NAV2: variants seen among roughly 807,000 people sequenced by gnomAD.
The protein encoded by NAV2 is neuron navigator 2.
A neutral mutation model predicts 223.2 loss-of-function variants in NAV2; 54 were observed. That is an observed-to-expected ratio of 0.24 (90% CI 0.19 to 0.30). The LOEUF is 0.30. Ranked by LOEUF, NAV2 falls within the 10% of genes least tolerant of loss-of-function variation. NAV2 has a pLI of 1.00. For synonymous variants in NAV2, 1,279 were observed against 1,239.3 expected, an observed-to-expected ratio of 1.03 and a Z score of -0.67; for missense variants, 2,806 against 3,147.5, an observed-to-expected ratio of 0.89 and a Z score of 2.60.
At chr11:19,802,942 T>A (rs2058353809) in intron 1 of NAV2, among the ~76,000 whole-genome samples, 1 of 152,174 alleles carries the variant, frequency 6.6e-6, no homozygotes, top group East Asian at 1.9e-4. Context: ...TTCCTCTCTG[T>A]TATAAACAGC....
intron 12 of NAV2, among the ~76,000 whole-genome samples, chr11:20,038,901 A>G (rs1036133966): frequency 2.0e-5 from 3 of 152,222 alleles, no homozygotes; most frequent in Non-Finnish European, 4.4e-5. Flanking sequence ...AGCCTCGTAT[A>G]GCTGATTGAA....
chr11:19,437,733 C>T (rs1851263674), intron 1 of NAV2, among the ~76,000 whole-genome samples: 1 of 152,124 alleles, frequency 6.6e-6, no homozygotes, highest in Admixed American at 6.5e-5. Context: ...GCCAATTAAA[C>T]TATGAAACGA....
chr11:19,485,396 G>A (rs899768030), intron 1 of NAV2, among the ~76,000 whole-genome samples: 1 of 152,154 alleles, frequency 6.6e-6, no homozygotes, highest in Non-Finnish European at 1.5e-5. Flanking sequence ...GAAAGAGCAA[G>A]TTGCTTCATC....
chr11:19,641,673 CT>C (rs1471822932), intron 1 of NAV2, among the ~76,000 whole-genome samples: 2 of 151,902 alleles, frequency 1.3e-5, no homozygotes, highest in Non-Finnish European at 2.9e-5. Context: ...GCTGCTCCTT[CT>C]CTTTGAAACA....
At chr11:19,755,713 C>T (rs919247850) in intron 1 of NAV2, among the ~76,000 whole-genome samples, 1 of 152,176 alleles carries the variant, frequency 6.6e-6, no homozygotes, top group African/African-American at 2.4e-5. Context: ...TTCACATAGC[C>T]TTGTTATAAG....
At chr11:19,737,832 G>A (rs1465156725) in intron 1 of NAV2, among the ~76,000 whole-genome samples, 3 of 152,194 alleles carry the variant, frequency 2.0e-5, no homozygotes, top group African/African-American at 7.2e-5. Flanking sequence ...CAGCTGATCC[G>A]AGTAGGGGAG....
At chr11:19,974,221 T>A (rs927714003) in intron 10 of NAV2, among the ~76,000 whole-genome samples, 1 of 152,208 alleles carries the variant, frequency 6.6e-6, no homozygotes, top group African/African-American at 2.4e-5. Context: ...AAGGCAACAT[T>A]TCTCACAGTT....
chr11:19,568,281 G>A (rs1318251196), intron 1 of NAV2, among the ~76,000 whole-genome samples: 2 of 152,204 alleles, frequency 1.3e-5, no homozygotes, highest in Non-Finnish European at 2.9e-5. Flanking sequence ...CTAGGCTCAG[G>A]CAAGGATGCC....
intron 6 of NAV2, among the ~76,000 whole-genome samples, chr11:19,924,621 T>C (rs2044576026): frequency 6.6e-6 from 1 of 152,156 alleles, no homozygotes; most frequent in Non-Finnish European, 1.5e-5. Context: ...GATACTGGAG[T>C]ATTCATACAT....
chr11:19,661,392 A>T (rs1327767336), intron 1 of NAV2, among the ~76,000 whole-genome samples: 1 of 152,170 alleles, frequency 6.6e-6, no homozygotes, highest in Non-Finnish European at 1.5e-5. Context: ...CTATTGTCAG[A>T]GTGCCACTGT....
At chr11:19,652,226 T>A (rs1590039404) in intron 1 of NAV2, among the ~76,000 whole-genome samples, 1 of 152,290 alleles carries the variant, frequency 6.6e-6, no homozygotes, top group East Asian at 1.9e-4. Flanking sequence ...GAGGAGTGCT[T>A]GGAGGAATCT....
intron 10 of NAV2, among the ~76,000 whole-genome samples, chr11:19,966,882 A>G (rs1175227996): frequency 1.3e-5 from 2 of 152,140 alleles, no homozygotes; most frequent in Non-Finnish European, 2.9e-5. Flanking sequence ...AACTTCTTCT[A>G]CCAGACCTGT....
Position 19,832,552 on chromosome 11 carries a change from G to A in NAV2, c.336G>A (p.Gln112=), listed in dbSNP as rs2060003943. ...SGHKRLIRDL[Q]QDVTDGVLLA... ...ACAAGCGTCTCATCAGGGATCTCCA[G>A]CAAGATGTGACAGATGGCGTCCTCC... The change falls in exon 2 of 38, where the codon CAG becomes CAA. Residue 112 remains glutamine (Q), a synonymous_variant. Coordinates refer to ENST00000349880, the MANE Select transcript of NAV2 (RefSeq NM_145117.5). 5.0e-6 allele frequency: 8 copies of A among 1,614,200 alleles called. No individual in the cohort carries two copies. The highest frequency in any genetic ancestry group is 6.8e-6 in the Non-Finnish European group (8 of 1,180,032).
At chr11:19,851,268 G>C (rs965396492) in intron 3 of NAV2, among the ~76,000 whole-genome samples, 2 of 151,990 alleles carry the variant, frequency 1.3e-5, no homozygotes, top group South Asian at 4.2e-4. Flanking sequence ...TCCCTTAACT[G>C]TTTTGCTATT....
At chr11:19,496,101 G>T (rs1181540925) in intron 1 of NAV2, among the ~76,000 whole-genome samples, 2 of 152,158 alleles carry the variant, frequency 1.3e-5, no homozygotes, top group African/African-American at 4.8e-5. Context: ...TAAAGAGAGT[G>T]AAAATGGGGG....
At chr11:20,098,843 C>G (rs2061451504) in intron 31 of NAV2, among the ~76,000 whole-genome samples, 1 of 152,256 alleles carries the variant, frequency 6.6e-6, no homozygotes, top group Admixed American at 6.5e-5. Context: ...TCAAGCACAG[C>G]TGGATCCAGG....
chr11:19,451,863 G>A (rs1018448263), intron 1 of NAV2, among the ~76,000 whole-genome samples: 2 of 152,248 alleles, frequency 1.3e-5, no homozygotes, highest in African/African-American at 4.8e-5. Flanking sequence ...AGTCTAGAGA[G>A]TGACAGAGCA....
At chr11:19,361,714 A>T (rs1318060825) in intron 1 of NAV2, among the ~76,000 whole-genome samples, 5 of 152,200 alleles carry the variant, frequency 3.3e-5, no homozygotes, top group Admixed American at 3.3e-4. Context: ...AGGGCCTGCC[A>T]TAGGACAGCA....
chr11:19,601,972 C>T (rs776865820), intron 1 of NAV2, among the ~76,000 whole-genome samples: 1 of 152,154 alleles, frequency 6.6e-6, no homozygotes, highest in Non-Finnish European at 1.5e-5. Context: ...CAGCTCTGAG[C>T]CTAGATGACC....
Sources: allele counts gnomAD v4.1 joint callset (sites outside exome capture counted in the v4.1 genomes callset), GRCh38; gene constraint gnomAD v4.1.1; transcripts MANE v1.5; gene names NCBI Gene and HGNC (gene_info 2026-07-23, HGNC 2026-07-21).